STAG1: variants seen among roughly 807,000 people sequenced by gnomAD.
The protein encoded by STAG1 is cohesin subunit SA-1.
Under a neutral mutation model 170.9 loss-of-function variants are expected in STAG1, and 26 were observed. The ratio of observed to expected loss-of-function variants is 0.15; its 90% CI spans 0.11 to 0.21. The LOEUF (loss-of-function observed/expected upper bound fraction) is 0.21. STAG1 is among the 10% of genes least tolerant of loss of function. STAG1 has a pLI of 1.00. For synonymous variants in STAG1, 514 were observed against 497.7 expected (o/e 1.03, Z -0.44); for missense variants, 964 against 1,509.5 (o/e 0.64, Z 5.99).
chr3:136,678,232 C>A (rs1326364307), intron 1 of STAG1, among the ~76,000 whole-genome samples: 2 of 147,098 alleles, frequency 1.4e-5, no homozygotes, highest in African/African-American at 2.5e-5. Context: ...ACAGCTAATG[C>A]TAAAAAAAAA....
chr3:136,388,455 G>A (rs777385215), intron 22 of STAG1, among the ~76,000 whole-genome samples: 2 of 152,136 alleles, frequency 1.3e-5, no homozygotes, highest in South Asian at 2.1e-4. Context: ...TGCAACCTCC[G>A]CCTCCTGGGT....
intron 13 of STAG1, among the ~76,000 whole-genome samples, chr3:136,462,139 G>A (rs2089292398): frequency 6.6e-6 from 1 of 151,984 alleles, no homozygotes; most frequent in Admixed American, 6.6e-5. Context: ...CAGTATGGAA[G>A]TTACTCAAAA....
intron 31 of STAG1, 40 bp downstream of exon 31, chr3:136,341,401 A>G (rs1400985892): frequency 1.5e-6 from 2 of 1,305,394 alleles, no homozygotes; most frequent in East Asian, 4.6e-5. Flanking sequence ...TGGGCATCAC[A>G]TAGTTGTTAT....
chr3:136,511,785 C>T (rs192245898), intron 7 of STAG1, among the ~76,000 whole-genome samples: 1 of 152,050 alleles, frequency 6.6e-6, no homozygotes, highest in African/African-American at 2.4e-5. Context: ...GCACATGTAC[C>T]CCTGAACGTC....
At chr3:136,379,552 T>G (rs142562951) in intron 22 of STAG1, among the ~76,000 whole-genome samples, 1 of 151,908 alleles carries the variant, frequency 6.6e-6, no homozygotes, top group Non-Finnish European at 1.5e-5. Context: ...CTATTAAAAA[T>G]AGAAAAATTA....
At chr3:136,469,171 C>A (rs1302189260) in intron 12 of STAG1, among the ~76,000 whole-genome samples, 1 of 152,080 alleles carries the variant, frequency 6.6e-6, no homozygotes, top group Non-Finnish European at 1.5e-5. Context: ...AAAGGGTATT[C>A]AATTAGGAAA....
chr3:136,450,128 T>C (rs924224165), intron 14 of STAG1, among the ~76,000 whole-genome samples: 1 of 152,026 alleles, frequency 6.6e-6, no homozygotes, highest in African/African-American at 2.4e-5. Flanking sequence ...ATTTACGGGG[T>C]AGTTAGTGTT....
At chr3:136,468,427 G>T (rs1194467258) in intron 12 of STAG1, among the ~76,000 whole-genome samples, 2 of 152,110 alleles carry the variant, frequency 1.3e-5, no homozygotes, top group Non-Finnish European at 2.9e-5. Context: ...TACATTCCTG[G>T]ACACATACAC....
intron 4 of STAG1, among the ~76,000 whole-genome samples, chr3:136,571,749 C>T (rs1364570551): frequency 6.6e-6 from 1 of 151,788 alleles, no homozygotes; most frequent in Non-Finnish European, 1.5e-5. Context: ...GGAATGGTGG[C>T]ACGTGACCAC....
intron 1 of STAG1, among the ~76,000 whole-genome samples, chr3:136,657,189 C>CT (rs67826395): frequency 0.033 from 3,081 of 92,158 alleles, 165 homozygotes; most frequent in Middle Eastern, 0.056. Flanking sequence ...TTCTTTCTTT[C>CT]TTTTTTTTTT....
At chr3:136,723,787 G>A (rs1388856378) in intron 1 of STAG1, among the ~76,000 whole-genome samples, 4 of 142,562 alleles carry the variant, frequency 2.8e-5, no homozygotes, top group African/African-American at 1.0e-4. Context: ...GGAGGTGGGG[G>A]GGTCAGCCCC....
At chr3:136,355,919 T>C (rs181680874) in intron 28 of STAG1, among the ~76,000 whole-genome samples, 8 of 152,332 alleles carry the variant, frequency 5.3e-5, no homozygotes, top group Admixed American at 3.9e-4. Flanking sequence ...AAGATGCAGC[T>C]AAGGTAATGT....
At chr3:136,571,077 C>T (rs1483582270) in intron 4 of STAG1, among the ~76,000 whole-genome samples, 1 of 152,188 alleles carries the variant, frequency 6.6e-6, no homozygotes, top group Non-Finnish European at 1.5e-5. Flanking sequence ...AGCAGAAATG[C>T]TTTGCAACCT....
chr3:136,486,767 A>C (rs1297847097), intron 9 of STAG1, among the ~76,000 whole-genome samples: 1 of 152,128 alleles, frequency 6.6e-6, no homozygotes, highest in Non-Finnish European at 1.5e-5. Flanking sequence ...AATTCTTGGA[A>C]TTACTACTAA....
At chr3:136,659,449 T>C (rs1941501240) in intron 1 of STAG1, among the ~76,000 whole-genome samples, 2 of 152,208 alleles carry the variant, frequency 1.3e-5, no homozygotes, top group Non-Finnish European at 2.9e-5. Flanking sequence ...TAAGCTGAGC[T>C]GCAAGTGACC....
At chr3:136,440,435 C>A (rs529443998) in intron 15 of STAG1, among the ~76,000 whole-genome samples, 1 of 152,084 alleles carries the variant, frequency 6.6e-6, no homozygotes, top group South Asian at 2.1e-4. Context: ...CTGCGCCCTG[C>A]CCTTAATTTA....
intron 21 of STAG1, among the ~76,000 whole-genome samples, chr3:136,408,414 A>C (rs1025399469): frequency 6.6e-6 from 1 of 152,192 alleles, no homozygotes; most frequent in Non-Finnish European, 1.5e-5. Context: ...GGTGAAACTG[A>C]AGTTACTAAA....
In STAG1 at chr3:136,700,876, CTTTTTTTTTTTT is replaced by C. The variant is rs35459362; in HGVS notation, c.-84+51307_-84+51318del. On this transcript the variant is annotated intron_variant, in intron 1 of 33. Coordinates refer to ENST00000383202, the MANE Select transcript of STAG1 (RefSeq NM_005862.3). ...AATGTGTGTGTGCTCTATTTTTTTTCTTTTTTTTTTTTTTTTTTTTTTTGAGATGGAGTCTCA... is the reference window on the plus strand; with the variant it reads ...AATGTGTGTGTGCTCTATTTTTTTTCTTTTTTTTTTTGAGATGGAGTCTCA... Among the ~76,000 whole-genome samples, 3 of 78,356 alleles carry C rather than the reference CTTTTTTTTTTTT, an allele frequency of 3.8e-5. 1 individual carries two copies. Among genetic ancestry groups the C allele is most frequent in the South Asian group, 9.5e-4 (2 of 2,098 alleles). 51.4% of individuals were successfully genotyped at this position (78,356 alleles called of 152,430 possible).
chr3:136,487,061 T>TTG (rs1207308909), intron 9 of STAG1, among the ~76,000 whole-genome samples: 1 of 145,674 alleles, frequency 6.9e-6, no homozygotes, highest in Non-Finnish European at 1.5e-5. Context: ...TGCAGGTTTG[T>TTG]TATACAGGTA....
Sources: allele counts gnomAD v4.1 joint callset (sites outside exome capture counted in the v4.1 genomes callset), GRCh38; gene constraint gnomAD v4.1.1; transcripts MANE v1.5; gene names NCBI Gene and HGNC (gene_info 2026-07-23, HGNC 2026-07-21).